The following MACROD2 variants were observed in gnomAD, a reference collection of about 807,000 sequenced individuals.
The protein encoded by MACROD2 is ADP-ribose glycohydrolase MACROD2.
Under a neutral mutation model 70.4 loss-of-function variants are expected in MACROD2, and 36 were observed. That is an observed-to-expected ratio of 0.51 (90% CI 0.39 to 0.68). MACROD2 has a LOEUF of 0.68. MACROD2 is among the 30% of genes least tolerant of loss of function. The pLI is 0.00. For synonymous variants in MACROD2, 172 were observed against 178.8 expected (o/e 0.96, Z 0.30); for missense variants, 496 against 538.4 (o/e 0.92, Z 0.78).
At chr20:14,516,845 GA>G in intron 4 of MACROD2, among the ~76,000 whole-genome samples, 1 of 152,030 alleles carries the variant, frequency 6.6e-6, no homozygotes, top group South Asian at 2.1e-4. Flanking sequence ...AAATTTACAA[GA>G]AAAAAAGAAC....
chr20:14,093,513 A>G (rs1056952124), intron 3 of MACROD2, among the ~76,000 whole-genome samples: 1 of 152,170 alleles, frequency 6.6e-6, no homozygotes, highest in Non-Finnish European at 1.5e-5. Context: ...GTAGAAAAAA[A>G]TTCAGTATTT....
intron 3 of MACROD2, among the ~76,000 whole-genome samples, chr20:14,214,395 C>A (rs1254135551): frequency 6.6e-6 from 1 of 152,072 alleles, no homozygotes; most frequent in Non-Finnish European, 1.5e-5. Flanking sequence ...TTATTTAGAG[C>A]TTTCAAATAG....
chr20:14,938,003 GTTTTTT>G (rs56254441), intron 5 of MACROD2, among the ~76,000 whole-genome samples: 4 of 136,028 alleles, frequency 2.9e-5, no homozygotes, highest in South Asian at 2.4e-4. Context: ...CAGATAACAA[GTTTTTT>G]TTTTTTTTTT....
At chr20:15,189,532 C>T (rs2076556390) in intron 5 of MACROD2, among the ~76,000 whole-genome samples, 1 of 152,072 alleles carries the variant, frequency 6.6e-6, no homozygotes, top group African/African-American at 2.4e-5. Flanking sequence ...ATCATAACTG[C>T]TATTATTGAC....
intron 4 of MACROD2, chr20:14,621,624 T>C (rs1272940880): frequency 6.6e-6 from 1 of 152,178 alleles, no homozygotes; most frequent in African/African-American, 2.4e-5. Context: ...ACCAGCTCTT[T>C]CTAATTTTCC....
rs182780703 is a variant in MACROD2 at position 15,751,628 on chromosome 20, G to A, written c.646-111117G>A. 1.9e-3 allele frequency among the ~76,000 whole-genome samples: 288 copies of A among 151,914 alleles called. 2 individuals carry two copies. The highest frequency in any genetic ancestry group is 0.016 in the Admixed American group (245 of 15,246). On this transcript the variant is annotated intron_variant, in intron 8 of 17. Transcript: ENST00000684519. ...TCTCTAGGATTTACCACTTTGGCAC[G>A]TTAGTTATATTGTTTGAGCATAAAT...
intron 5 of MACROD2, among the ~76,000 whole-genome samples, chr20:15,067,991 C>G (rs930414530): frequency 6.6e-6 from 1 of 152,140 alleles, no homozygotes; most frequent in Non-Finnish European, 1.5e-5. Flanking sequence ...TACTGCTATT[C>G]TGGTTGACAC....
intron 5 of MACROD2, among the ~76,000 whole-genome samples, chr20:15,029,494 C>G (rs79800835): frequency 0.028 from 4,306 of 152,258 alleles, 91 homozygotes; most frequent in Middle Eastern, 0.051. Flanking sequence ...ATTTTCATAT[C>G]TAACAACTTT....
chr20:14,920,346 A>G (rs1404411479), intron 5 of MACROD2, among the ~76,000 whole-genome samples: 1 of 152,132 alleles, frequency 6.6e-6, no homozygotes, highest in Non-Finnish European at 1.5e-5. Context: ...AGGCATTCCA[A>G]ATCTAAAACA....
intron 8 of MACROD2, among the ~76,000 whole-genome samples, chr20:15,833,455 C>A (rs1457712099): frequency 1.3e-5 from 2 of 152,226 alleles, no homozygotes; most frequent in South Asian, 4.1e-4. Context: ...GGGAAGCAGA[C>A]ACAAACATTC....
At chr20:14,360,149 G>T (rs952283482) in intron 3 of MACROD2, among the ~76,000 whole-genome samples, 3 of 151,960 alleles carry the variant, frequency 2.0e-5, no homozygotes, top group Admixed American at 1.3e-4. Flanking sequence ...TGGTTCAAGG[G>T]GTCCAAAATT....
At chr20:14,535,580 T>C (rs2085354881) in intron 4 of MACROD2, among the ~76,000 whole-genome samples, 1 of 147,354 alleles carries the variant, frequency 6.8e-6, no homozygotes, top group Non-Finnish European at 1.5e-5. Context: ...GTGGGCACTG[T>C]GTTGGTTAGG....
chr20:15,812,458 C>G (rs1236414027), intron 8 of MACROD2, among the ~76,000 whole-genome samples: 1 of 151,932 alleles, frequency 6.6e-6, no homozygotes, highest in Non-Finnish European at 1.5e-5. Flanking sequence ...GAATACCATA[C>G]TGACAATAAA....
intron 9 of MACROD2, among the ~76,000 whole-genome samples, chr20:15,876,091 T>TTTTATATATATATATATATATATA (rs1555789633): frequency 1.8e-4 from 6 of 33,104 alleles, no homozygotes; most frequent in South Asian, 5.6e-3. Context: ...TACATGTCTT[T>TTTTATATATATATATATATATATA]TATATATATA....
chr20:14,862,442 TATATATATAA>T (rs2073359794), intron 5 of MACROD2, among the ~76,000 whole-genome samples: 1 of 5,196 alleles, frequency 1.9e-4, no homozygotes, highest in Non-Finnish European at 4.8e-4. Flanking sequence ...TATATATAAA[TATATATATAA>T]ATATATATAA....
At chr20:14,103,758 A>G (rs1010394411) in intron 3 of MACROD2, among the ~76,000 whole-genome samples, 1 of 152,158 alleles carries the variant, frequency 6.6e-6, no homozygotes, top group Non-Finnish European at 1.5e-5. Context: ...TACTTTTTAT[A>G]TGTAATTTTA....
chr20:14,357,678 TCTCC>T (rs2083185614), intron 3 of MACROD2, among the ~76,000 whole-genome samples: 1 of 152,182 alleles, frequency 6.6e-6, no homozygotes, highest in East Asian at 1.9e-4. Flanking sequence ...TCCACTGGCT[TCTCC>T]TTAGAACTCT....
chr20:14,207,561 TC>T (rs1211483064), intron 3 of MACROD2, among the ~76,000 whole-genome samples: 2 of 152,176 alleles, frequency 1.3e-5, no homozygotes, highest in African/African-American at 4.8e-5. Flanking sequence ...TTGCCAAACT[TC>T]CTTAGCTTAT....
At chr20:14,161,168 A>G (rs564946252) in intron 3 of MACROD2, among the ~76,000 whole-genome samples, 90 of 149,238 alleles carry the variant, frequency 6.0e-4, no homozygotes, top group African/African-American at 2.1e-3. Flanking sequence ...AAAGGACATG[A>G]TTTCATTCTT....
Sources: allele counts gnomAD v4.1 joint callset (sites outside exome capture counted in the v4.1 genomes callset), GRCh38; gene constraint gnomAD v4.1.1; transcripts MANE v1.5; gene names NCBI Gene and HGNC (gene_info 2026-07-23, HGNC 2026-07-21).